Variants in P3H4 observed in about 807,000 individuals in gnomAD.
The protein encoded by P3H4 is prolyl 3-hydroxylase family member 4 (inactive).
A neutral mutation model predicts 52.9 loss-of-function variants in P3H4; 47 were observed. The observed-to-expected ratio is 0.89, with a 90% CI of 0.70 to 1.13. P3H4 has a LOEUF of 1.13. P3H4 is among the 50% of genes most tolerant of loss of function. The pLI, the probability that P3H4 is intolerant of heterozygous loss-of-function variation, is 0.00. For missense variants in P3H4, 585 were observed against 611.0 expected (o/e 0.96, Z 0.45); for synonymous variants, 256 against 267.9 (o/e 0.96, Z 0.44).
intron 5 of P3H4, chr17:41,807,186 T>C (rs1322063154): frequency 9.5e-6 from 4 of 420,622 alleles, no homozygotes; most frequent in African/African-American, 2.0e-5. Flanking sequence ...ATTTCCTCCA[T>C]TGGTTACCTA....
intron 3 of P3H4, among the ~76,000 whole-genome samples, chr17:41,810,283 C>T (rs2047715812): frequency 6.7e-6 from 1 of 150,258 alleles, no homozygotes; most frequent in Non-Finnish European, 1.5e-5. Context: ...AAGCGATTCT[C>T]CTGCCTCAGC....
chr17:41,803,366 C>G lies in P3H4; in HGVS notation c.1212G>C (p.Glu404Asp). Residue 404 changes from glutamate to aspartate, a missense_variant, in exon 7 of 8, where the codon GAG (glutamate) becomes GAC (aspartate). Glu to Asp is a conservative substitution (Grantham distance 45). Transcript: ENST00000393928. ...TGCCCTCCTCGTAGTCACCCTCCCC[C>G]TCAAACTCGGCGTCAGATAGGGCAT... ...PEDALSDAEF[E>D]GEGDYEEGMY... is the part of the protein sequence containing the mutation. The G allele has an allele frequency of 2.5e-6, 4 of 1,614,138 alleles. No individual in the cohort carries two copies. The highest frequency in any genetic ancestry group is 1.7e-5 in the Admixed American group (1 of 60,014).
In P3H4 at chr17:41,802,981, T is replaced by A. The variant is rs2047633776; in HGVS notation, c.1292-2A>T. On this transcript the variant is annotated splice_acceptor_variant, in intron 7 of 7. Coordinates refer to ENST00000393928, the MANE Select transcript of P3H4 (RefSeq NM_006455.3). LOFTEE classifies it high-confidence loss of function. ...CTCATGCGAGTTCAGGCTCTGGCTC[T>A]GAAAAGGAAAGGAGAAAGCACTGGG... 3.1e-6 allele frequency: 5 copies of A among 1,610,726 alleles called. No individual in the cohort carries two copies. The African/African-American group carries it at 6.7e-5, about 22-fold the overall frequency.
At chr17:41,807,483 A>AT (rs1423172369) in intron 5 of P3H4, 1 of 154,914 alleles carries the variant, frequency 6.5e-6, no homozygotes, top group Non-Finnish European at 1.4e-5. Context: ...CCAGGAGTTT[A>AT]TTTTTTATTA....
At chr17:41,809,880 T>A in intron 3 of P3H4, 46 bp from the exon 4 acceptor site, 7 of 1,593,914 alleles carry the variant, frequency 4.4e-6, no homozygotes, top group Non-Finnish European at 6.0e-6. Flanking sequence ...GCAATGAACA[T>A]CTCCGTCCCC....
intron 3 of P3H4, 60 bp from the exon 4 acceptor site, chr17:41,809,894 G>A: frequency 1.3e-5 from 21 of 1,574,918 alleles, no homozygotes; most frequent in Non-Finnish European, 1.8e-5. Context: ...CGTCCCCCCA[G>A]TGGAGAAGAC....
At position 41,811,457 on chromosome 17, in the gene P3H4, G is replaced by C. The variant is rs199832526; in HGVS notation, c.459C>G (p.Phe153Leu). ...LPYQYLHYALFKANRLEKAVA... is the reference protein window; with the variant it reads ...LPYQYLHYALLKANRLEKAVA... The stretch of plus-strand genomic sequence containing the variant: ...CCGGGTGGGGGCGGGCTCCCACCTT[G>C]AACAGCGCGTAGTGCAGGTACTGGT... The change falls in exon 1 of 8, where the codon TTC becomes TTG. Residue 153 changes from phenylalanine to leucine, a missense_variant. Coordinates refer to ENST00000393928, the MANE Select transcript of P3H4 (RefSeq NM_006455.3). The surrounding 1 kb of genome is among the most constrained non-coding windows in gnomAD (Gnocchi z 4.8). 1.8e-5 allele frequency: 29 copies of C among 1,612,144 alleles called. No individual in the cohort carries two copies. The highest frequency in any genetic ancestry group is 2.5e-5 in the Non-Finnish European group (29 of 1,179,732).
rs768042232 is a variant in P3H4, at chr17:41,809,783, G to A, written c.839C>T (p.Thr280Ile). 1.2e-6 allele frequency: 2 copies of A among 1,613,956 alleles called. No homozygotes were observed. Among genetic ancestry groups the A allele is most frequent in the South Asian group, 2.2e-5 (2 of 91,062 alleles). The change falls in exon 4 of 8, where the codon ACC (threonine) becomes ATC (isoleucine). Residue 280 changes from threonine to isoleucine, a missense_variant. Thr to Ile is a moderately conservative substitution (Grantham distance 89). Coordinates refer to ENST00000393928, the MANE Select transcript of P3H4 (RefSeq NM_006455.3). ...CACGAAGTAGCCACCCACATTGGGG[G>A]TCAAATTGGCCTCACAGTCCACCTT... ...QCKVDCEANL[T>I]PNVGGYFVDK...
chr17:41,803,321 C>T lies in P3H4; in HGVS notation c.1257G>A (p.Gln419=). The T allele has an allele frequency of 1.9e-6, 3 of 1,614,080 alleles. No individual in the cohort carries two copies. Among genetic ancestry groups the T allele is most frequent in the Non-Finnish European group, 1.7e-6 (2 of 1,179,970 alleles). ...CCTCGTCACCCTTGGCATCCGGCTC[C>T]TGCCACCAGTCAGCATACATGCCCT... ...YEEGMYADWW[Q]EPDAKGDEAE... is the part of the protein sequence containing the mutation. The change falls in exon 7 of 8, where the codon CAG becomes CAA. Residue 419 remains glutamine, a synonymous_variant. Coordinates refer to ENST00000393928, the MANE Select transcript of P3H4 (RefSeq NM_006455.3).
At chr17:41,805,460 G>A (rs1249781175) in intron 6 of P3H4, among the ~76,000 whole-genome samples, 3 of 151,762 alleles carry the variant, frequency 2.0e-5, no homozygotes, top group Non-Finnish European at 2.9e-5. Flanking sequence ...CAGTAGCTGG[G>A]ATTACAGGTG....
chr17:41,809,275 G>C (rs1555614590), intron 4 of P3H4, among the ~76,000 whole-genome samples: 1 of 152,092 alleles, frequency 6.6e-6, no homozygotes, highest in African/African-American at 2.4e-5. Context: ...ACAAAAACTA[G>C]CTGGGTGTGG....
At chr17:41,808,144 T>C in intron 4 of P3H4, 140 bp from the exon 5 acceptor site, 1 of 1,075,664 alleles carries the variant, frequency 9.3e-7, no homozygotes, top group South Asian at 1.7e-5. Context: ...CCAAGCATAA[T>C]GCCAGCTAGC....
chr17:41,802,911 T>G lies in P3H4; in HGVS notation c.*46A>C, dbSNP rs782229779. 3 of 1,598,670 alleles carry G rather than the reference T, an allele frequency of 1.9e-6. No individual in the cohort carries two copies. The South Asian group carries it at 3.3e-5, about 18-fold the overall frequency. On this transcript the variant is annotated 3_prime_UTR_variant, in exon 8 of 8. Transcript: ENST00000393928. ...GCCCAGGCTGGTGAGGGTGGGGCCA[T>G]CGGCACCAGGCTTCCCAAGCTTGAG... is the stretch of plus-strand genomic sequence containing the variant.
chr17:41,807,140 C>T (rs987617097), intron 5 of P3H4: 61 of 506,378 alleles, frequency 1.2e-4, no homozygotes, highest in Middle Eastern at 5.2e-4. Context: ...GCACCATGTG[C>T]CCCATATTTG....
chr17:41,803,391 T>A lies in P3H4; in HGVS notation c.1187A>T (p.Asp396Val). 1.9e-6 allele frequency: 3 copies of A among 1,613,670 alleles called. No individual in the cohort carries two copies. Among genetic ancestry groups the A allele is most frequent in the Non-Finnish European group, 2.5e-6 (3 of 1,179,834 alleles). ...EETEPPLEPEDALSDAEFEGE... is the reference protein window; with the variant it reads ...EETEPPLEPEVALSDAEFEGE... ...CTCAAACTCGGCGTCAGATAGGGCA[T>A]CCTCAGGCTCCAGGGGCGGTTCTGT... The change falls in exon 7 of 8, where the codon GAT becomes GTT. Residue 396 changes from aspartate (D) to valine (V), a missense_variant. Asp to Val is a radical substitution (Grantham distance 152). Transcript: ENST00000393928.
Position 41,807,999 on chromosome 17 carries a change from C to G in P3H4, c.922G>C (p.Asp308His), listed in dbSNP as rs782145210. The change falls in exon 5 of 8, where the codon GAT becomes CAT. Residue 308 changes from aspartate to histidine, a missense_variant. Physicochemically the swap from Asp to His is moderately conservative, Grantham distance 81. Coordinates refer to ENST00000393928, the MANE Select transcript of P3H4 (RefSeq NM_006455.3). ...YLQFAYYKLN[D>H]VRQAARSAAS... ...GCGCTGCGGGCAGCCTGGCGCACATCATTCACTGCAGCAGGACAGGGGTGA... is the reference window on the plus strand; with the variant it reads ...GCGCTGCGGGCAGCCTGGCGCACATGATTCACTGCAGCAGGACAGGGGTGA... 8.7e-6 allele frequency: 14 copies of G among 1,613,160 alleles called. No homozygotes were observed. The highest frequency in any genetic ancestry group is 1.7e-5 in the Admixed American group (1 of 59,884).
At chr17:41,810,575 G>T in intron 3 of P3H4, 1 of 398,262 alleles carries the variant, frequency 2.5e-6, no homozygotes, top group Non-Finnish European at 4.5e-6. Context: ...CATCTGCTGG[G>T]TTACTTCTCA....
Position 41,810,974 on chromosome 17 carries a change from C to T in P3H4, c.676G>A (p.Asp226Asn). Reference protein sequence around the residue: ...NSGDFRSSTEDMERALSEYLA... With the variant: ...NSGDFRSSTENMERALSEYLA... ...TACTCTGACAAGGCCCGCTCCATGT[C>T]CTCCGTGCTGCTGCGGAAATCCCCG... Residue 226 changes from aspartate (D) to asparagine (N), a missense_variant, in exon 3 of 8, where the codon GAC becomes AAC. Transcript: ENST00000393928. The T allele has an allele frequency of 6.2e-7, 1 of 1,614,200 alleles. No individual in the cohort carries two copies. The highest frequency in any genetic ancestry group is 1.7e-5 in the Admixed American group (1 of 60,028).
chr17:41,805,995 T>C (rs2047670452), intron 6 of P3H4, among the ~76,000 whole-genome samples: 1 of 151,946 alleles, frequency 6.6e-6, no homozygotes, highest in African/African-American at 2.4e-5. Flanking sequence ...CCGAGGCAGA[T>C]AGATCATGAG....
Sources: allele counts gnomAD v4.1 joint callset (sites outside exome capture counted in the v4.1 genomes callset), GRCh38; gene constraint gnomAD v4.1.1; non-coding constraint Gnocchi (gnomAD v3.1); transcripts MANE v1.5; gene names NCBI Gene and HGNC (gene_info 2026-07-23, HGNC 2026-07-21).